IGDCC3: variants seen among roughly 807,000 people sequenced by gnomAD.
IGDCC3 encodes the protein immunoglobulin superfamily DCC subclass member 3.
IGDCC3 carries 47 observed loss-of-function variants against 72.0 expected under a neutral mutation model. The ratio of observed to expected loss-of-function variants is 0.65; its 90% CI spans 0.52 to 0.83. The LOEUF (loss-of-function observed/expected upper bound fraction) is 0.83, where lower values mean the gene tolerates loss of function less well. IGDCC3 is among the 40% of genes least tolerant of loss of function. The pLI is 0.00. For missense variants in IGDCC3, 1,038 were observed against 1,091.3 expected (o/e 0.95, Z 0.69); for synonymous variants, 477 against 472.8 (o/e 1.01, Z -0.11).
intron 2 of IGDCC3, chr15:65,356,000 C>A (rs1233368117): frequency 3.6e-6 from 1 of 274,388 alleles, no homozygotes; most frequent in African/African-American, 2.3e-5. Flanking sequence ...ACACGCGCGG[C>A]CCCCGGACTC....
chr15:65,374,303 G>A (rs1213057932), intron 2 of IGDCC3, among the ~76,000 whole-genome samples: 5 of 151,988 alleles, frequency 3.3e-5, no homozygotes, highest in Non-Finnish European at 5.9e-5. Context: ...CCCACAGCTC[G>A]CCACCTCCCT....
chr15:65,358,043 C>T (rs1020986175), intron 2 of IGDCC3, among the ~76,000 whole-genome samples: 2 of 151,748 alleles, frequency 1.3e-5, no homozygotes, highest in Non-Finnish European at 2.9e-5. Context: ...GCCCCCATTT[C>T]TAGAGAGAAA....
chr15:65,360,357 C>G (rs1468981264), intron 2 of IGDCC3, among the ~76,000 whole-genome samples: 2 of 152,188 alleles, frequency 1.3e-5, no homozygotes, highest in Admixed American at 1.3e-4. Context: ...ATCAAACAGC[C>G]TCAAGGCTGA....
chr15:65,333,223 C>A (rs1425180033), intron 6 of IGDCC3, 34 bp downstream of exon 6: 6 of 1,561,512 alleles, frequency 3.8e-6, no homozygotes, highest in Non-Finnish European at 5.2e-6. Flanking sequence ...TGCGGAGATC[C>A]CTGCCCTCCT....
chr15:65,358,401 G>A (rs1307068515), intron 2 of IGDCC3, among the ~76,000 whole-genome samples: 1 of 152,068 alleles, frequency 6.6e-6, no homozygotes, highest in East Asian at 1.9e-4. Context: ...ACACTGCACG[G>A]AGCCCCAAAA....
chr15:65,370,210 ATAATAGT>A (rs2091313906), intron 2 of IGDCC3, among the ~76,000 whole-genome samples: 1 of 151,970 alleles, frequency 6.6e-6, no homozygotes, highest in Non-Finnish European at 1.5e-5. Context: ...CCTCAAAATG[ATAATAGT>A]TAATATTATT....
rs763524981 is a variant in IGDCC3, at chr15:65,335,832, T to A, written c.534A>T (p.Pro178=). The change falls in exon 3 of 14, where the codon CCA becomes CCT. Residue 178 remains proline (P), a synonymous_variant. Transcript: ENST00000327987. ...PLITWEKNRV[P]IDTDNERYTL... ...CTCACCTCTCATTGTCCGTGTCAAT[T>A]GGGACTCTGTTCTTCTCCCAAGTGA... is the stretch of plus-strand genomic sequence containing the variant. 1.2e-6 allele frequency: 2 copies of A among 1,614,180 alleles called. No homozygotes were observed. Among genetic ancestry groups the A allele is most frequent in the Non-Finnish European group, 1.7e-6 (2 of 1,180,026 alleles).
chr15:65,333,814 G>A (rs186316112), intron 5 of IGDCC3, among the ~76,000 whole-genome samples: 1 of 152,192 alleles, frequency 6.6e-6, no homozygotes, highest in African/African-American at 2.4e-5. Flanking sequence ...ACCTGGTTGG[G>A]GGGGGAACCC....
chr15:65,337,718 C>T (rs1431382408), intron 2 of IGDCC3, among the ~76,000 whole-genome samples: 7 of 152,122 alleles, frequency 4.6e-5, no homozygotes, highest in African/African-American at 9.7e-5. Flanking sequence ...TCCAGGAAGG[C>T]AACTGGATGC....
rs1280113539 is a variant in IGDCC3, at chr15:65,329,151, G to A, written c.2206-3C>T. ...GGAGCGGGGGCTGCAGGATCCTGCT[G>A]GGGAAAGAGCCCGTCACACAGGCGT... On this transcript the variant is annotated splice_polypyrimidine_tract_variant and splice_region_variant and intron_variant, in intron 13 of 13. Coordinates refer to ENST00000327987, the MANE Select transcript of IGDCC3 (RefSeq NM_004884.4). This position sits in a 1 kb window ranked among gnomAD's most constrained non-coding sequence, Gnocchi z 4.1. The A allele has an allele frequency of 1.7e-5, 28 of 1,602,344 alleles. No homozygotes were observed. The highest frequency in any genetic ancestry group is 2.7e-5 in the African/African-American group (2 of 74,554).
At chr15:65,358,822 A>G (rs540715908) in intron 2 of IGDCC3, among the ~76,000 whole-genome samples, 1 of 151,836 alleles carries the variant, frequency 6.6e-6, no homozygotes, top group East Asian at 1.9e-4. Flanking sequence ...AGTTTATCTA[A>G]TTAATTAGTT....
chr15:65,350,530 C>T (rs1182396364), intron 2 of IGDCC3, among the ~76,000 whole-genome samples: 2 of 146,926 alleles, frequency 1.4e-5, no homozygotes, highest in Admixed American at 1.4e-4. Context: ...GGCATGATCT[C>T]GGCTCACTGC....
At chr15:65,347,142 G>A (rs968054078) in intron 2 of IGDCC3, among the ~76,000 whole-genome samples, 2 of 152,214 alleles carry the variant, frequency 1.3e-5, no homozygotes, top group African/African-American at 4.8e-5. Flanking sequence ...CCTCCCGGAA[G>A]GGTGTCTGGT....
intron 2 of IGDCC3, among the ~76,000 whole-genome samples, chr15:65,353,397 C>T (rs1375316389): frequency 2.0e-5 from 3 of 151,998 alleles, no homozygotes; most frequent in Non-Finnish European, 4.4e-5. Context: ...ACTACAGGCG[C>T]CTGCCATCAT....
In IGDCC3 at chr15:65,368,310, G is replaced by C. The variant is rs77281253; in HGVS notation, c.409+6787C>G. ...GGTGGGGAGGGGACAGAGGGTTAAG[G>C]GGGGCTGGGGGCCTGTTTCATTTGC... On this transcript the variant is annotated intron_variant, in intron 2 of 13. Coordinates refer to ENST00000327987, the MANE Select transcript of IGDCC3 (RefSeq NM_004884.4). Among the ~76,000 whole-genome samples the C allele has an allele frequency of 5.0e-3, 756 of 151,836 alleles. 17 individuals are homozygous for C. Among genetic ancestry groups the C allele is most frequent in the Admixed American group, 0.038 (586 of 15,264 alleles).
chr15:65,336,266 G>A (rs528870994), intron 2 of IGDCC3, among the ~76,000 whole-genome samples: 2 of 152,194 alleles, frequency 1.3e-5, no homozygotes, highest in South Asian at 4.1e-4. Context: ...TGGAGGCCTT[G>A]GTCCCCAAAA....
chr15:65,362,048 TGAC>T (rs1483241659), intron 2 of IGDCC3, among the ~76,000 whole-genome samples: 2 of 149,212 alleles, frequency 1.3e-5, no homozygotes, highest in African/African-American at 5.0e-5. Context: ...AGGGGGAGAA[TGAC>T]AAGAGCGCTA....
intron 2 of IGDCC3, among the ~76,000 whole-genome samples, chr15:65,351,227 G>T (rs935227619): frequency 2.0e-5 from 3 of 152,172 alleles, no homozygotes; most frequent in Admixed American, 1.3e-4. Flanking sequence ...AATGTAAAGG[G>T]TTATAAAAGG....
At chr15:65,332,201 GGGTGAGA>G in intron 6 of IGDCC3, 95 bp from the exon 7 acceptor site, 1 of 1,403,004 alleles carries the variant, frequency 7.1e-7, no homozygotes, top group Non-Finnish European at 9.6e-7. Context: ...GAGATACACA[GGGTGAGA>G]GGTGGGCTCC....
Sources: allele counts gnomAD v4.1 joint callset (sites outside exome capture counted in the v4.1 genomes callset), GRCh38; gene constraint gnomAD v4.1.1; non-coding constraint Gnocchi (gnomAD v3.1); transcripts MANE v1.5; gene names NCBI Gene and HGNC (gene_info 2026-07-23, HGNC 2026-07-21).